Variants in DOCK11 observed in about 807,000 individuals in gnomAD.
The protein encoded by DOCK11 is dedicator of cytokinesis 11.
Under a neutral mutation model 169.1 loss-of-function variants are expected in DOCK11, and 70 were observed. That is an observed-to-expected ratio of 0.41 (90% CI 0.34 to 0.51). DOCK11 has a LOEUF of 0.51. Ranked by LOEUF, DOCK11 falls within the 20% of genes least tolerant of loss-of-function variation. The pLI, the probability that DOCK11 is intolerant of heterozygous loss-of-function variation, is 0.10. For missense variants in DOCK11, 1,166 were observed against 1,538.8 expected, an observed-to-expected ratio of 0.76 and a Z score of 4.05; for synonymous variants, 529 against 541.3, an observed-to-expected ratio of 0.98 and a Z score of 0.32.
chrX:118,645,997 A>G (rs1386427350), intron 40 of DOCK11, among the ~76,000 whole-genome samples: 2 of 100,692 alleles, frequency 2.0e-5, no homozygotes, highest in African/African-American at 7.3e-5. Context: ...CAGAGGTTGC[A>G]GTGAGCCGAG....
At chrX:118,577,740 T>C (rs1387804758) in intron 12 of DOCK11, among the ~76,000 whole-genome samples, 5 of 111,714 alleles carry the variant, frequency 4.5e-5, no homozygotes, top group Non-Finnish European at 9.4e-5. Flanking sequence ...CTGAAATGCA[T>C]TGGAAACTGG....
At chrX:118,671,176 T>C in intron 46 of DOCK11, 31 bp downstream of exon 46, 1 of 1,178,714 alleles carries the variant, frequency 8.5e-7, no homozygotes, top group Middle Eastern at 2.4e-4. Context: ...TATCATTGAC[T>C]TATGTATTTT....
rs189293678 is a variant in DOCK11, at chrX:118,501,342, T to G, written c.102+5269T>G. 1.4e-4 allele frequency among the ~76,000 whole-genome samples: 15 copies of G among 110,635 alleles called. No individual in the cohort carries two copies. In the East Asian group the frequency reaches 3.4e-3, roughly 25 times the overall value. Reference sequence around the variant, plus strand: ...CTTAAAAAAAAATACAAAAATTAGCTGAGTGTCATGGCGCATGCCTGTAGT... The same window carrying G: ...CTTAAAAAAAAATACAAAAATTAGCGGAGTGTCATGGCGCATGCCTGTAGT... On this transcript the variant is annotated intron_variant, in intron 1 of 52. Coordinates refer to ENST00000276202, the MANE Select transcript of DOCK11 (RefSeq NM_144658.4).
At chrX:118,612,027 A>G (rs896069203) in intron 28 of DOCK11, among the ~76,000 whole-genome samples, 2 of 112,359 alleles carry the variant, frequency 1.8e-5, no homozygotes, top group African/African-American at 6.5e-5. Context: ...AAAGTGGGTA[A>G]CAACAATATT....
At chrX:118,566,803 T>A (rs1260831654) in intron 9 of DOCK11, 150 bp downstream of exon 9, 2 of 494,632 alleles carry the variant, frequency 4.0e-6, no homozygotes, top group Non-Finnish European at 6.4e-6. Flanking sequence ...AAAAGAAAAG[T>A]TGCACTCCTG....
chrX:118,685,665 C>A (rs1376498809), intron 52 of DOCK11, 23 bp from the exon 53 acceptor site: 3 of 1,196,810 alleles, frequency 2.5e-6, no homozygotes, highest in Non-Finnish European at 1.1e-6. Flanking sequence ...TCATGATAAT[C>A]ATGCTGATTT....
chrX:118,578,148 C>T (rs768497291), intron 12 of DOCK11, among the ~76,000 whole-genome samples: 1 of 111,826 alleles, frequency 8.9e-6, no homozygotes, highest in Non-Finnish European at 1.9e-5. Context: ...CTTTTTCCTT[C>T]TTAGTGGAAA....
chrX:118,628,333 T>C (rs1603133655), intron 34 of DOCK11, 61 bp downstream of exon 34: 15 of 777,152 alleles, frequency 1.9e-5, no homozygotes, highest in Admixed American at 1.5e-4. Flanking sequence ...AATTTTTTTA[T>C]AGTATAAATA....
rs780084536 is a variant in DOCK11 at position 118,534,327 on chromosome X, G to C, written c.103-8398G>C. Among the ~76,000 whole-genome samples, 12 of 112,403 alleles carry C rather than the reference G, an allele frequency of 1.1e-4. No homozygotes were observed. The East Asian group carries it at 3.1e-3, about 29-fold the overall frequency. ...TATTTGCATAATATTTGAACTGGCT[G>C]TAATGAAAAATGTTTGTTAATAGAG... On this transcript the variant is annotated intron_variant, in intron 1 of 52. Transcript: ENST00000276202.
chrX:118,496,794 G>T (rs188938378), intron 1 of DOCK11, among the ~76,000 whole-genome samples: 1 of 111,610 alleles, frequency 9.0e-6, no homozygotes, highest in Non-Finnish European at 1.9e-5. Flanking sequence ...AGAGGCAAGG[G>T]GACCAAGGGG....
chrX:118,662,038 A>G (rs759970410), intron 44 of DOCK11, among the ~76,000 whole-genome samples: 41 of 112,587 alleles, frequency 3.6e-4, no homozygotes, highest in African/African-American at 1.2e-3. Flanking sequence ...GTTATTTATT[A>G]TCCCTGTTTT....
Position 118,648,989 on chromosome X carries a change from A to C in DOCK11, c.4443A>C (p.Ala1481=). The C allele has an allele frequency of 1.7e-6, 2 of 1,207,135 alleles. No homozygotes were observed. Among genetic ancestry groups the C allele is most frequent in the Non-Finnish European group, 2.2e-6 (2 of 893,792 alleles). ...AAGGAAGAGTAAACATGTGTGCTGCATTTTGCTATGAGGTTTTAAAGTGCT... is the reference window on the plus strand; with the variant it reads ...AAGGAAGAGTAAACATGTGTGCTGCCTTTTGCTATGAGGTTTTAAAGTGCT... ...FFKGRVNMCA[A]FCYEVLKCCT... is the part of the protein sequence containing the mutation. Residue 1481 remains alanine, a synonymous_variant, in exon 41 of 53, where the codon GCA becomes GCC. Coordinates refer to ENST00000276202, the MANE Select transcript of DOCK11 (RefSeq NM_144658.4).
intron 38 of DOCK11, 114 bp downstream of exon 38, chrX:118,639,691 C>A: frequency 5.0e-6 from 4 of 802,312 alleles, no homozygotes; most frequent in Non-Finnish European, 5.2e-6. Flanking sequence ...ACATTATATG[C>A]ATGTAACAAA....
At chrX:118,669,523 G>A (rs2016417318) in intron 45 of DOCK11, among the ~76,000 whole-genome samples, 1 of 111,621 alleles carries the variant, frequency 9.0e-6, no homozygotes, top group Non-Finnish European at 1.9e-5. Flanking sequence ...CTTACGTGAT[G>A]GAAGGGGGTG....
chrX:118,636,727 G>T (rs1603142843), intron 36 of DOCK11, among the ~76,000 whole-genome samples: 1 of 111,640 alleles, frequency 9.0e-6, no homozygotes, highest in African/African-American at 3.3e-5. Context: ...ACAGATGCTG[G>T]ATTAGTGGAG....
intron 32 of DOCK11, among the ~76,000 whole-genome samples, chrX:118,626,337 C>A (rs1023281866): frequency 9.0e-6 from 1 of 111,392 alleles, no homozygotes; most frequent in African/African-American, 3.3e-5. Flanking sequence ...TCCCAAAGTG[C>A]TGGAATTATA....
intron 1 of DOCK11, among the ~76,000 whole-genome samples, chrX:118,517,056 A>G (rs1016315124): frequency 1.8e-5 from 2 of 111,677 alleles, no homozygotes; most frequent in East Asian, 2.8e-4. Flanking sequence ...TGTTGATAAC[A>G]TATGTTTATA....
At chrX:118,616,193 A>G (rs1370805632) in intron 30 of DOCK11, 1 of 952,623 alleles carries the variant, frequency 1.0e-6, no homozygotes, top group South Asian at 2.1e-5. Context: ...CTTTTCATAT[A>G]TTAATTAGAT....
intron 40 of DOCK11, among the ~76,000 whole-genome samples, chrX:118,648,031 T>TATAATATAAATTATAA (rs1396769976): frequency 6.6e-5 from 3 of 45,375 alleles, no homozygotes; most frequent in Non-Finnish European, 1.1e-4. Flanking sequence ...AATTATAATA[T>TATAATATAAATTATAA]TATATAATAA....
Sources: allele counts gnomAD v4.1 joint callset (sites outside exome capture counted in the v4.1 genomes callset), GRCh38; gene constraint gnomAD v4.1.1; transcripts MANE v1.5; gene names NCBI Gene and HGNC (gene_info 2026-07-23, HGNC 2026-07-21).